Variants in CLUH observed in about 807,000 individuals in gnomAD.
CLUH encodes the protein clustered mitochondria protein homolog.
CLUH carries 77 observed loss-of-function variants against 139.3 expected under a neutral mutation model. That is an observed-to-expected ratio of 0.55 (90% confidence interval 0.46 to 0.67). CLUH has a LOEUF of 0.67. Ranked by LOEUF, CLUH falls within the 30% of genes least tolerant of loss-of-function variation. The probability of loss-of-function intolerance (pLI) is 0.00; values close to 1 mark genes in which losing one functional copy is unlikely to be tolerated. For missense variants in CLUH, 1,876 were observed against 1,875.8 expected, an observed-to-expected ratio of 1.00 and a Z score of 0.00; for synonymous variants, 999 against 801.6, an observed-to-expected ratio of 1.25 and a Z score of -4.16.
chr17:2,707,246 C>T lies in CLUH; in HGVS notation c.101-2682G>A. On this transcript the variant is annotated intron_variant, in intron 1 of 25. Transcript: ENST00000651024. This position sits in a 1 kb window ranked among gnomAD's most constrained non-coding sequence, Gnocchi z 7.4. ...GGCCGTGGCAGCAAGGCAGCCAGCTCTCCAGCTCAGCCCCAGCATTGCCCG... is the reference window on the plus strand; with the variant it reads ...GGCCGTGGCAGCAAGGCAGCCAGCTTTCCAGCTCAGCCCCAGCATTGCCCG... 3.0e-6 allele frequency: 3 copies of T among 985,466 alleles called. No homozygotes were observed. The highest frequency in any genetic ancestry group is 2.4e-6 in the Non-Finnish European group (2 of 829,920). The allele number at this position is 985,466 out of a possible 1,614,324, so 61.0% of individuals were successfully genotyped here. A position where few individuals can be genotyped will look rare whatever the true frequency, so the allele number is the denominator to read the frequency against.
chr17:2,703,174 T>C lies in CLUH; in HGVS notation c.475+144A>G. ...GGGCCGTGAAGTTGGCAGATATAGG[T>C]GTGCTGGCCTGAGAAGCAGATCTGT... On this transcript the variant is annotated intron_variant, in intron 3 of 25. Coordinates refer to ENST00000651024, the MANE Select transcript of CLUH (RefSeq NM_001366661.1). The surrounding 1 kb of genome is among the most constrained non-coding windows in gnomAD (Gnocchi z 4.2). The C allele has an allele frequency of 1.2e-6, 1 of 836,834 alleles. No individual in the cohort carries two copies. Among genetic ancestry groups the C allele is most frequent in the South Asian group, 1.7e-5 (1 of 57,368 alleles). 51.8% of individuals were successfully genotyped at this position (836,834 alleles called of 1,614,324 possible). A position where few individuals can be genotyped will look rare whatever the true frequency, so the allele number is the denominator to read the frequency against.
Position 2,689,503 on chromosome 17 carries a change from C to T in CLUH, c.*1091G>A, listed in dbSNP as rs994357719. On this transcript the variant is annotated 3_prime_UTR_variant, in exon 26 of 26. Transcript: ENST00000651024. ...GCTCTGCTTGCCCGCTCACGCCCAT[C>T]CCCCTTGAAACAAGGTGTCTGGACG... 1.3e-5 allele frequency: 2 copies of T among 152,728 alleles called. No homozygotes were observed. The highest frequency in any genetic ancestry group is 2.9e-5 in the Non-Finnish European group (2 of 68,094). The allele number at this position is 152,728 out of a possible 1,614,324, so 9.5% of individuals were successfully genotyped here.
Position 2,700,363 on chromosome 17 carries a change from C to T in CLUH, c.1266+19G>A, listed in dbSNP as rs1471371178. 6.2e-7 allele frequency: 1 copy of T among 1,605,504 alleles called. No individual in the cohort carries two copies. Among genetic ancestry groups the T allele is most frequent in the South Asian group, 1.1e-5 (1 of 89,670 alleles). On this transcript the variant is annotated intron_variant, in intron 9 of 25. Coordinates refer to ENST00000651024, the MANE Select transcript of CLUH (RefSeq NM_001366661.1). ...GGACAGCGGGCCTCAGACTGCCGGT[C>T]AGCAGAGGCTGCAGGCACCTTGAAT...
Position 2,706,364 on chromosome 17 carries a change from G to T in CLUH, c.101-1800C>A, listed in dbSNP as rs1765098079. 6.6e-6 allele frequency among the ~76,000 whole-genome samples: 1 copy of T among 152,080 alleles called. No individual in the cohort carries two copies. Among genetic ancestry groups the T allele is most frequent in the Non-Finnish European group, 1.5e-5 (1 of 68,008 alleles). On this transcript the variant is annotated intron_variant, in intron 1 of 25. Transcript: ENST00000651024. This position sits in a 1 kb window ranked among gnomAD's most constrained non-coding sequence, Gnocchi z 4.6. ...CCCAAAGAGGGGTATTTGAAGCCCA[G>T]AAAGGCTCGGAGCCTGGCCTAAGGT... is the stretch of plus-strand genomic sequence containing the variant.
rs115717445 is a variant in CLUH, at chr17:2,701,404, G to A, written c.861C>T (p.Val287=). 1,057 of 1,611,150 alleles carry A rather than the reference G, an allele frequency of 6.6e-4. 8 individuals are homozygous for A. In the African/African-American group the frequency reaches 0.012, roughly 18 times the overall value. ...LFVITAEDRQ[V]SITASTRGFY... is the part of the protein sequence containing the mutation. ...AGCCCCGTGTGGACGCGGTGATGCT[G>A]ACTTGCCGGTCCTCGGCTGTGATCA... Residue 287 remains valine, a synonymous_variant, in exon 6 of 26, where the codon GTC becomes GTT. Coordinates refer to ENST00000651024, the MANE Select transcript of CLUH (RefSeq NM_001366661.1).
At position 2,702,044 on chromosome 17, in the gene CLUH, C is replaced by T. The variant is rs557522041; in HGVS notation, c.489G>A (p.Val163=). 4.9e-4 allele frequency: 792 copies of T among 1,613,622 alleles called. 7 individuals are homozygous for T. In the South Asian group the frequency reaches 8.1e-3, roughly 16 times the overall value. ...GGCGCACGTGGATGCGGGCCTCACG[C>T]ACCGTGTACGGCTCTGTCAGGAAGG... The part of the protein sequence containing the change: ...VLRVVEEPYT[V]REARIHVRHV... Residue 163 remains valine, a synonymous_variant, in exon 4 of 26, where the codon GTG becomes GTA. Transcript: ENST00000651024.
chr17:2,698,115 A>G lies in CLUH; in HGVS notation c.1742T>C (p.Val581Ala). The G allele has an allele frequency of 6.3e-7, 1 of 1,597,990 alleles. No homozygotes were observed. Among genetic ancestry groups the G allele is most frequent in the Non-Finnish European group, 8.5e-7 (1 of 1,173,864 alleles). The change falls in exon 10 of 26, where the codon GTG (valine) becomes GCG (alanine). Residue 581 changes from valine to alanine, a missense_variant. Val to Ala is a moderately conservative substitution (Grantham distance 64). Transcript: ENST00000651024. ...HQVLNDRDEE[V>A]ELCSSVECKG... ...GCACTCGACCGAGGAGCAGAGCTCC[A>G]CCTCCTCGTCACGGTCGTTGAGCAC...
At chr17:2,699,926 G>A (rs1381779520) in intron 9 of CLUH, among the ~76,000 whole-genome samples, 1 of 152,206 alleles carries the variant, frequency 6.6e-6, no homozygotes, top group Non-Finnish European at 1.5e-5. Flanking sequence ...TACTGAAGCC[G>A]GCCTGAGATT....
rs1176665075 is a variant in CLUH at position 2,694,196 on chromosome 17, C to A, written c.3018G>T (p.Val1006=). 1.2e-6 allele frequency: 2 copies of A among 1,613,210 alleles called. No homozygotes were observed. Among genetic ancestry groups the A allele is most frequent in the Non-Finnish European group, 1.7e-6 (2 of 1,179,646 alleles). Residue 1006 remains valine, a synonymous_variant, in exon 18 of 26, where the codon GTG becomes GTT. Transcript: ENST00000651024. ...AGGCCTTGGGGTTGACGTGCTTGAC[C>A]ACGGGGAAGATGTTGAGCACGTCCT... The part of the protein sequence containing the change: ...TEEDVLNIFP[V]VKHVNPKASD...
intron 1 of CLUH, among the ~76,000 whole-genome samples, chr17:2,709,473 G>A (rs1320279499): frequency 1.3e-5 from 2 of 152,100 alleles, no homozygotes; most frequent in Non-Finnish European, 2.9e-5. Flanking sequence ...ATCCTGTTGC[G>A]GAGCTCCCAT....
At chr17:2,694,765 TGAC>T (rs1383636616) in intron 16 of CLUH, 89 bp downstream of exon 16, 1 of 1,439,742 alleles carries the variant, frequency 6.9e-7, no homozygotes, top group Non-Finnish European at 9.2e-7. Context: ...CCCTGGCCTA[TGAC>T]CACAGGCCTT....
chr17:2,698,802 G>A (rs572574927), intron 9 of CLUH, among the ~76,000 whole-genome samples: 1 of 152,176 alleles, frequency 6.6e-6, no homozygotes, highest in Non-Finnish European at 1.5e-5. Context: ...CCAGCACTTT[G>A]AGGGGCCGAG....
In CLUH at chr17:2,695,761, T is replaced by C. The variant is rs189481152; in HGVS notation, c.2392-235A>G. On this transcript the variant is annotated intron_variant, in intron 13 of 25. Coordinates refer to ENST00000651024, the MANE Select transcript of CLUH (RefSeq NM_001366661.1). ...ATGTGGGAGAAGCAGAGGTGCCCGC[T>C]TGGGGGCACTACTTGACCCCCAGCC... 67 of 609,478 alleles carry C rather than the reference T, an allele frequency of 1.1e-4. No individual in the cohort carries two copies. The East Asian group carries it at 1.7e-3, about 16-fold the overall frequency. The allele number at this position is 609,478 out of a possible 1,614,324, so 37.8% of individuals were successfully genotyped here.
rs2070390614 is a variant in CLUH at position 2,707,776 on chromosome 17, G to A, written c.101-3212C>T. The A allele has an allele frequency of 7.1e-6, 7 of 985,442 alleles. No homozygotes were observed. In the African/African-American group the frequency reaches 1.0e-4, roughly 15 times the overall value. The allele number at this position is 985,442 out of a possible 1,614,324, so 61.0% of individuals were successfully genotyped here. ...CCTCTGCCCACCAGTCCCAGACACT[G>A]AGCACCCCACTGTCCCTGGGCCAAG... On this transcript the variant is annotated intron_variant, in intron 1 of 25. Transcript: ENST00000651024. This position sits in a 1 kb window ranked among gnomAD's most constrained non-coding sequence, Gnocchi z 7.4.
In CLUH at chr17:2,704,486, C is replaced by T; in HGVS notation, c.179G>A (p.Arg60Lys). Residue 60 changes from arginine (R) to lysine (K), a missense_variant, in exon 2 of 26, where the codon AGG becomes AAG. By Grantham distance (26) the Arg-to-Lys change is conservative. Coordinates refer to ENST00000651024, the MANE Select transcript of CLUH (RefSeq NM_001366661.1). This position sits in a 1 kb window ranked among gnomAD's most constrained non-coding sequence, Gnocchi z 5.7. ...KKEAAAAEPP[R>K]ENGLDEAGPG... Reference sequence around the variant, plus strand: ...GCCGGCCTCGTCAAGCCCATTTTCCCTGGGTGGCTCGGCCGCCGCCGCCTC... The same window carrying T: ...GCCGGCCTCGTCAAGCCCATTTTCCTTGGGTGGCTCGGCCGCCGCCGCCTC... 1.3e-6 allele frequency: 2 copies of T among 1,594,034 alleles called. No individual in the cohort carries two copies. Among genetic ancestry groups the T allele is most frequent in the Non-Finnish European group, 8.5e-7 (1 of 1,170,806 alleles).
chr17:2,694,318 G>T (rs2069838776), intron 17 of CLUH, 42 bp from the exon 18 acceptor site: 1 of 1,552,618 alleles, frequency 6.4e-7, no homozygotes, highest in African/African-American at 1.4e-5. Flanking sequence ...TCAGGCCCAG[G>T]TTCAGCGGGT....
Position 2,698,301 on chromosome 17 carries a change from C to T in CLUH, c.1556G>A (p.Arg519Gln), listed in dbSNP as rs1487328493. The change falls in exon 10 of 26, where the codon CGG (arginine) becomes CAG (glutamine). Residue 519 changes from arginine to glutamine, a missense_variant. Arg to Gln is a conservative substitution (Grantham distance 43). Around this residue, in one of 3 missense-constraint regions of CLUH, gnomAD observed 1,454 missense variants for 1,384.4 expected, o/e 1.05. Coordinates refer to ENST00000651024, the MANE Select transcript of CLUH (RefSeq NM_001366661.1). ...GTVVVDYRGYRVTAQSIIPGI... is the reference protein window; with the variant it reads ...GTVVVDYRGYQVTAQSIIPGI... Reference sequence around the variant, plus strand: ...GGGGATGATGGACTGGGCCGTGACCCGGTAGCCGCGGTAATCCACCACCAC... The same window carrying T: ...GGGGATGATGGACTGGGCCGTGACCTGGTAGCCGCGGTAATCCACCACCAC... 1.9e-6 allele frequency: 3 copies of T among 1,612,282 alleles called. No individual in the cohort carries two copies. The highest frequency in any genetic ancestry group is 1.7e-5 in the Admixed American group (1 of 59,868).
In CLUH at chr17:2,690,747, C is replaced by A; in HGVS notation, c.3894G>T (p.Glu1298Asp). The A allele has an allele frequency of 1.3e-6, 2 of 1,534,774 alleles. No individual in the cohort carries two copies. ...SQKDLENLKA[E>D]VARRHQLQEA... ...CCTGGAGCTGGTGCCGCCGCGCCAC[C>A]TCGGCTTTCAGATTCTCCAGGTCTT... The change falls in exon 26 of 26, where the codon GAG becomes GAT. Residue 1298 changes from glutamate to aspartate, a missense_variant. Around this residue, in one of 3 missense-constraint regions of CLUH, gnomAD observed 1,454 missense variants for 1,384.4 expected, o/e 1.05. Transcript: ENST00000651024.
chr17:2,694,445 G>T (rs369056664), intron 17 of CLUH, 35 bp downstream of exon 17: 1 of 1,513,336 alleles, frequency 6.6e-7, no homozygotes, highest in Admixed American at 1.9e-5. Flanking sequence ...GGGACACAGC[G>T]GGGACACAGC....
Sources: allele counts gnomAD v4.1 joint callset (sites outside exome capture counted in the v4.1 genomes callset), GRCh38; gene constraint gnomAD v4.1.1; regional missense constraint gnomAD v4.1.1; non-coding constraint Gnocchi (gnomAD v3.1); transcripts MANE v1.5; gene names NCBI Gene and HGNC (gene_info 2026-07-23, HGNC 2026-07-21).